The following CNTN5 variants were observed in gnomAD, a reference collection of about 807,000 sequenced individuals.
CNTN5 encodes the protein contactin 5.
Under a neutral mutation model 129.1 loss-of-function variants are expected in CNTN5, and 77 were observed. The ratio of observed to expected loss-of-function variants is 0.60; its 90% CI spans 0.50 to 0.72. CNTN5 has a LOEUF of 0.72. CNTN5 is among the 30% of genes least tolerant of loss of function. CNTN5 has a pLI of 0.00. For missense variants in CNTN5, 1,478 were observed against 1,328.8 expected (o/e 1.11, Z -1.75); for synonymous variants, 509 against 465.6 (o/e 1.09, Z -1.20).
chr11:99,400,217 T>C (rs1941730532), intron 2 of CNTN5, among the ~76,000 whole-genome samples: 1 of 151,994 alleles, frequency 6.6e-6, no homozygotes, highest in Non-Finnish European at 1.5e-5. Flanking sequence ...ACTCTCTATC[T>C]CCAAGGGTTC....
intron 16 of CNTN5, among the ~76,000 whole-genome samples, chr11:100,245,347 C>A (rs766702407): frequency 6.6e-6 from 1 of 152,128 alleles, no homozygotes; most frequent in Non-Finnish European, 1.5e-5. Flanking sequence ...TCTGGTTATA[C>A]CATTTTAGAG....
At chr11:99,577,675 G>A (rs965775499) in intron 3 of CNTN5, among the ~76,000 whole-genome samples, 2 of 152,026 alleles carry the variant, frequency 1.3e-5, no homozygotes, top group African/African-American at 4.8e-5. Flanking sequence ...AAAAGAGTTT[G>A]TGGGACTATC....
intron 6 of CNTN5, among the ~76,000 whole-genome samples, chr11:99,913,479 A>C (rs573383781): frequency 6.6e-6 from 1 of 152,056 alleles, no homozygotes; most frequent in East Asian, 1.9e-4. Flanking sequence ...AATATAAAAA[A>C]ATCTATTTAT....
At chr11:99,260,336 T>C (rs1276549575) in intron 1 of CNTN5, among the ~76,000 whole-genome samples, 1 of 151,790 alleles carries the variant, frequency 6.6e-6, no homozygotes, top group Non-Finnish European at 1.5e-5. Context: ...GATAGTGCTC[T>C]TTACACATGT....
At chr11:100,242,583 G>C (rs1327198754) in intron 16 of CNTN5, among the ~76,000 whole-genome samples, 1 of 152,168 alleles carries the variant, frequency 6.6e-6, no homozygotes, top group Admixed American at 6.6e-5. Flanking sequence ...AGGAGTAAGA[G>C]AGTGATGGCG....
chr11:99,647,969 C>T (rs1403686506), intron 3 of CNTN5, among the ~76,000 whole-genome samples: 1 of 151,738 alleles, frequency 6.6e-6, no homozygotes, highest in Non-Finnish European at 1.5e-5. Flanking sequence ...ATCACATGGT[C>T]TACACAGATA....
At chr11:99,905,769 T>C (rs760259380) in intron 6 of CNTN5, among the ~76,000 whole-genome samples, 15 of 152,318 alleles carry the variant, frequency 9.8e-5, no homozygotes, top group South Asian at 6.2e-4. Flanking sequence ...TTCCTATCCA[T>C]GAGCATGGAC....
At chr11:99,551,323 G>GT (rs1948473632) in intron 2 of CNTN5, among the ~76,000 whole-genome samples, 2 of 152,098 alleles carry the variant, frequency 1.3e-5, no homozygotes, top group Non-Finnish European at 2.9e-5. Flanking sequence ...TTTTTAAAGG[G>GT]TTTTTTATTA....
At chr11:99,310,817 A>C (rs191068728) in intron 1 of CNTN5, among the ~76,000 whole-genome samples, 4 of 152,186 alleles carry the variant, frequency 2.6e-5, no homozygotes, top group African/African-American at 9.7e-5. Context: ...ATCACAATTC[A>C]TATTTGGTGA....
chr11:99,471,367 T>A (rs967408803), intron 2 of CNTN5, among the ~76,000 whole-genome samples: 6 of 152,078 alleles, frequency 3.9e-5, no homozygotes, highest in African/African-American at 1.2e-4. Context: ...CAGTTTTTAC[T>A]CTCATGTACT....
rs185990130 is a variant in CNTN5 at position 100,262,157 on chromosome 11, A to G, written c.2164+6239A>G. Among the ~76,000 whole-genome samples, 22 of 152,346 alleles carry G rather than the reference A, an allele frequency of 1.4e-4. No individual in the cohort carries two copies. The East Asian group carries it at 4.1e-3, about 28-fold the overall frequency. On this transcript the variant is annotated intron_variant, in intron 17 of 24. Coordinates refer to ENST00000524871, the MANE Select transcript of CNTN5 (RefSeq NM_014361.4). ...AAGGATATGAACAGACACTTCCCCAAAAGAAGACATTTATGCAGCCAACAA... is the reference window on the plus strand; with the variant it reads ...AAGGATATGAACAGACACTTCCCCAGAAGAAGACATTTATGCAGCCAACAA...
chr11:99,985,113 C>T (rs774206111), intron 8 of CNTN5, among the ~76,000 whole-genome samples: 26 of 152,070 alleles, frequency 1.7e-4, no homozygotes, highest in Admixed American at 4.6e-4. Flanking sequence ...GCTTACTTAG[C>T]CCCTTGCCTC....
chr11:100,048,205 A>T (rs907346046), intron 9 of CNTN5, among the ~76,000 whole-genome samples: 2 of 152,128 alleles, frequency 1.3e-5, no homozygotes, highest in Non-Finnish European at 2.9e-5. Context: ...CTACCATCAG[A>T]CATTAGAACT....
intron 3 of CNTN5, among the ~76,000 whole-genome samples, chr11:99,562,720 T>C (rs942131089): frequency 6.6e-6 from 1 of 152,166 alleles, no homozygotes; most frequent in South Asian, 2.1e-4. Flanking sequence ...TAGTAATTGA[T>C]TAAATATTTA....
chr11:100,328,131 G>A (rs773351164), intron 21 of CNTN5, among the ~76,000 whole-genome samples: 5 of 151,994 alleles, frequency 3.3e-5, no homozygotes, highest in Admixed American at 2.0e-4. Context: ...CAGTAGGACC[G>A]TTTAAGGCCA....
rs552769110 is a variant in CNTN5, at chr11:99,596,081, G to T, written c.55+39812G>T. On this transcript the variant is annotated intron_variant, in intron 3 of 24. Coordinates refer to ENST00000524871, the MANE Select transcript of CNTN5 (RefSeq NM_014361.4). Reference sequence around the variant, plus strand: ...AGACCCAGATAATCTTTTGGGTCTTGCCTTGGTGAAGATACTTTCCAAGGC... The same window carrying T: ...AGACCCAGATAATCTTTTGGGTCTTTCCTTGGTGAAGATACTTTCCAAGGC... Among the ~76,000 whole-genome samples the T allele has an allele frequency of 1.6e-4, 25 of 152,198 alleles. No individual in the cohort carries two copies. The South Asian group carries it at 4.8e-3, about 29-fold the overall frequency.
intron 3 of CNTN5, among the ~76,000 whole-genome samples, chr11:99,776,987 A>C (rs1945146444): frequency 6.6e-6 from 1 of 151,844 alleles, no homozygotes; most frequent in African/African-American, 2.4e-5. Flanking sequence ...TCATTTTTTC[A>C]TTTCTAACCA....
At chr11:100,163,891 C>A (rs560545511) in intron 13 of CNTN5, among the ~76,000 whole-genome samples, 1 of 151,798 alleles carries the variant, frequency 6.6e-6, no homozygotes, top group Non-Finnish European at 1.5e-5. Context: ...TGTTTTATAT[C>A]ATTTAGTCCC....
At chr11:99,868,225 A>T (rs933452960) in intron 6 of CNTN5, among the ~76,000 whole-genome samples, 3 of 152,122 alleles carry the variant, frequency 2.0e-5, no homozygotes, top group Non-Finnish European at 4.4e-5. Flanking sequence ...TCATAAAAAA[A>T]AAAAAACAAA....
Sources: gnomAD v4.1 joint callset for allele counts (sites outside exome capture counted in the v4.1 genomes callset) on GRCh38, gnomAD v4.1.1 for gene constraint, MANE v1.5 for transcripts, NCBI Gene and HGNC (gene_info 2026-07-23, HGNC 2026-07-21) for gene names.